RNF130: variants seen among roughly 807,000 people sequenced by gnomAD.
RNF130 encodes E3 ubiquitin-protein ligase RNF130.
Under a neutral mutation model 44.6 loss-of-function variants are expected in RNF130, and 21 were observed. The observed-to-expected ratio is 0.47, with a 90% CI of 0.33 to 0.68. RNF130 has a LOEUF of 0.68. RNF130 is among the 30% of genes least tolerant of loss of function. The pLI is 0.02. For missense variants in RNF130, 479 were observed against 560.6 expected, an observed-to-expected ratio of 0.85 and a Z score of 1.47; for synonymous variants, 214 against 210.4, an observed-to-expected ratio of 1.02 and a Z score of -0.15.
intron 3 of RNF130, among the ~76,000 whole-genome samples, chr5:179,991,806 G>A (rs1763088726): frequency 6.6e-6 from 1 of 151,962 alleles, no homozygotes; most frequent in Non-Finnish European, 1.5e-5. Flanking sequence ...TCACCATAAC[G>A]TAGAATCAGT....
At chr5:179,985,910 T>C (rs1360280924) in intron 3 of RNF130, among the ~76,000 whole-genome samples, 1 of 152,254 alleles carries the variant, frequency 6.6e-6, no homozygotes, top group East Asian at 1.9e-4. Flanking sequence ...ATTTTCTTAA[T>C]GAAATCTGGG....
At position 180,071,552 on chromosome 5, in the gene RNF130, G is replaced by A. The variant is rs1765267015; in HGVS notation, c.151C>T (p.Pro51Ser). 7.0e-7 allele frequency: 1 copy of A among 1,422,688 alleles called. No individual in the cohort carries two copies. The highest frequency in any genetic ancestry group is 9.3e-7 in the Non-Finnish European group (1 of 1,080,084). The allele number at this position is 1,422,688 out of a possible 1,614,324, so 88.1% of individuals were successfully genotyped here. A position where few individuals can be genotyped will look rare whatever the true frequency, so the allele number is the denominator to read the frequency against. The change falls in exon 1 of 9, where the codon CCG becomes TCG. Residue 51 changes from proline to serine, a missense_variant. Coordinates refer to ENST00000521389, the MANE Select transcript of RNF130 (RefSeq NM_018434.6). ...VTVQEPGRGA[P>S]LTFRIDRGRY... ...CCGCGGTCGATGCGAAACGTGAGCG[G>A]GGCGCCGCGGCCGGGCTCCTGCACC...
At chr5:179,958,293 T>C (rs1402575217) in intron 8 of RNF130, among the ~76,000 whole-genome samples, 8 of 152,248 alleles carry the variant, frequency 5.3e-5, no homozygotes, top group African/African-American at 1.9e-4. Context: ...CAGGACTGAC[T>C]ACATCAGAGA....
At position 180,042,612 on chromosome 5, in the gene RNF130, T is replaced by A. The variant is rs79667040; in HGVS notation, c.248-1965A>T. On this transcript the variant is annotated intron_variant, in intron 1 of 8. Transcript: ENST00000521389. The stretch of plus-strand genomic sequence containing the variant: ...AGCTCAGTGACCTGTTACGATAATC[T>A]CCTCTTAGAAAAATGTCTAATACTG... Among the ~76,000 whole-genome samples the A allele has an allele frequency of 5.1e-4, 77 of 152,356 alleles. No homozygotes were observed. In the East Asian group the frequency reaches 0.013, roughly 26 times the overall value.
intron 7 of RNF130, 89 bp from the exon 8 acceptor site, chr5:179,963,653 G>C (rs2113700601): frequency 1.1e-6 from 1 of 918,972 alleles, no homozygotes. Context: ...CAACGAAGCA[G>C]ACGTCAACGG....
At chr5:179,975,391 C>T (rs1482388123) in intron 5 of RNF130, among the ~76,000 whole-genome samples, 3 of 152,134 alleles carry the variant, frequency 2.0e-5, no homozygotes, top group African/African-American at 4.8e-5. Context: ...GGGTAGAGGG[C>T]CAAGGACACT....
intron 1 of RNF130, among the ~76,000 whole-genome samples, chr5:180,066,061 C>T (rs920930330): frequency 6.6e-6 from 1 of 152,200 alleles, no homozygotes; most frequent in African/African-American, 2.4e-5. Context: ...ATAATATGTG[C>T]ATATATGTGT....
At chr5:179,913,444 G>A (rs1190519332) in exon 8 of RNF130, 1 of 152,154 alleles carries the variant, frequency 6.6e-6, no homozygotes. Flanking sequence ...TCAGCTTAGG[G>A]TGGAAAAGGA....
intron 7 of RNF130, 78 bp from the exon 8 acceptor site, chr5:179,963,642 G>T: frequency 2.9e-6 from 3 of 1,023,940 alleles, no homozygotes; most frequent in Non-Finnish European, 4.5e-6. Context: ...TCCCTCAAAT[G>T]CAACGAAGCA....
At chr5:179,971,527 G>A (rs560990548) in intron 5 of RNF130, among the ~76,000 whole-genome samples, 47 of 152,152 alleles carry the variant, frequency 3.1e-4, no homozygotes, top group African/African-American at 1.1e-3. Context: ...CCGCCACCAC[G>A]CCCAGCCAAT....
chr5:179,978,100 C>A (rs1038354370), intron 5 of RNF130, 103 bp downstream of exon 5: 4 of 960,142 alleles, frequency 4.2e-6, no homozygotes, highest in Non-Finnish European at 6.6e-6. Flanking sequence ...CAGAAAGCCA[C>A]GAGGTGGGTG....
At chr5:180,063,749 T>C (rs540172049) in intron 1 of RNF130, among the ~76,000 whole-genome samples, 1 of 152,310 alleles carries the variant, frequency 6.6e-6, no homozygotes, top group South Asian at 2.1e-4. Flanking sequence ...CTAAGACTTT[T>C]CCCAGCAACA....
At chr5:180,062,357 G>T (rs933071809) in intron 1 of RNF130, among the ~76,000 whole-genome samples, 5 of 151,476 alleles carry the variant, frequency 3.3e-5, no homozygotes, top group Non-Finnish European at 7.4e-5. Context: ...ACTGAGCCCG[G>T]TCCCCCCAGC....
intron 1 of RNF130, among the ~76,000 whole-genome samples, chr5:180,066,645 G>T (rs1316130437): frequency 6.6e-6 from 1 of 152,046 alleles, no homozygotes; most frequent in East Asian, 1.9e-4. Context: ...AGACGAGCCT[G>T]ATGAACATGG....
chr5:179,927,966 A>G (rs155784), intron 7 of RNF130, among the ~76,000 whole-genome samples: 61,806 of 151,914 alleles, frequency 0.41, 13,437 homozygotes, highest in East Asian at 0.76. Context: ...TGTCTGACAC[A>G]CAAATGTCTG....
chr5:179,934,182 G>A lies in RNF130; in HGVS notation c.1151-13756C>T, dbSNP rs934863343. 52 of 176,496 alleles carry A rather than the reference G, an allele frequency of 2.9e-4. No homozygotes were observed. In the Middle Eastern group the frequency reaches 7.7e-3, roughly 26 times the overall value. 10.9% of individuals were successfully genotyped at this position (176,496 alleles called of 1,614,324 possible). ...TGCTCTTGAGAGCAGCAGCCTCGAC[G>A]TTGGCGCATAGCAGCCTGGCGGCAT... is the stretch of plus-strand genomic sequence containing the variant. On this transcript the variant is annotated intron_variant, in intron 7 of 7. Transcript: ENST00000522208.
intron 2 of RNF130, among the ~76,000 whole-genome samples, chr5:180,027,802 A>C (rs1004818932): frequency 2.6e-5 from 4 of 152,158 alleles, no homozygotes; most frequent in Admixed American, 2.6e-4. Context: ...GGCAGAGAAG[A>C]AGCTAGGAAC....
At chr5:180,048,917 T>G (rs1302633181) in intron 1 of RNF130, among the ~76,000 whole-genome samples, 2 of 152,210 alleles carry the variant, frequency 1.3e-5, no homozygotes, top group Non-Finnish European at 2.9e-5. Context: ...CAGCTCACCC[T>G]AGGTCATTTA....
At chr5:180,032,473 G>A (rs1764152220) in intron 2 of RNF130, among the ~76,000 whole-genome samples, 1 of 152,066 alleles carries the variant, frequency 6.6e-6, no homozygotes, top group South Asian at 2.1e-4. Context: ...CTGGGCTCAA[G>A]TGATTCTACC....
Sources: gnomAD v4.1 joint callset for allele counts (sites outside exome capture counted in the v4.1 genomes callset) on GRCh38, gnomAD v4.1.1 for gene constraint, MANE v1.5 for transcripts, NCBI Gene and HGNC (gene_info 2026-07-23, HGNC 2026-07-21) for gene names.